ITGB1BP1: variants seen among roughly 807,000 people sequenced by gnomAD.
ITGB1BP1 encodes integrin beta-1-binding protein 1.
In ITGB1BP1, 20 loss-of-function variants were observed where a neutral mutation model predicts 28.0. The ratio of observed to expected loss-of-function variants is 0.71; its 90% CI spans 0.50 to 1.04. The LOEUF is 1.04. Among genes scored for constraint, ITGB1BP1 ranks in the 50% least tolerant of loss-of-function variants. The pLI is 0.00. For missense variants in ITGB1BP1, 228 were observed against 242.5 expected, an observed-to-expected ratio of 0.94 and a Z score of 0.40; for synonymous variants, 103 against 89.5, an observed-to-expected ratio of 1.15 and a Z score of -0.85.
At chr2:9,412,082 G>A (rs1572702292) in intron 4 of ITGB1BP1, 187 bp downstream of exon 4, 2 of 552,370 alleles carry the variant, frequency 3.6e-6, no homozygotes, top group East Asian at 6.4e-5. Context: ...TTTGAAGGGA[G>A]GAACAGCGCC....
intron 4 of ITGB1BP1, among the ~76,000 whole-genome samples, chr2:9,410,786 A>T (rs1043734502): frequency 7.2e-5 from 11 of 152,202 alleles, no homozygotes; most frequent in African/African-American, 2.7e-4. Context: ...TGTGTTGCCC[A>T]GGCTGGCTTT....
At chr2:9,423,012 G>A (rs1680085572) in intron 1 of ITGB1BP1, 21 of 990,242 alleles carry the variant, frequency 2.1e-5, no homozygotes, top group Non-Finnish European at 2.5e-5. Flanking sequence ...GGGTGCGGAG[G>A]ATGTGACAGC....
At chr2:9,412,042 CAAAAAAAA>C (rs56249290) in intron 4 of ITGB1BP1, 3 of 228,212 alleles carry the variant, frequency 1.3e-5, no homozygotes, top group South Asian at 1.0e-4. Context: ...AACTTGGTCT[CAAAAAAAA>C]AAAAAAAAAA....
chr2:9,417,177 A>G (rs1017722372), intron 2 of ITGB1BP1, among the ~76,000 whole-genome samples: 2 of 152,004 alleles, frequency 1.3e-5, no homozygotes, highest in Admixed American at 6.6e-5. Context: ...TTACTCTCAG[A>G]GTAAAAGCCC....
rs536805010 is a variant in ITGB1BP1 at position 9,423,510 on chromosome 2, G to A, written c.-173C>T. The A allele has an allele frequency of 7.5e-6, 9 of 1,192,574 alleles. No homozygotes were observed. In the African/African-American group the frequency reaches 1.3e-4, roughly 17 times the overall value. 73.9% of individuals were successfully genotyped at this position (1,192,574 alleles called of 1,614,324 possible). The stretch of plus-strand genomic sequence containing the variant: ...CAGCCCTCCTGCCCACGTCCGCCGG[G>A]CCGCGCCTCCAAGACTATGCGCAGG... On this transcript the variant is annotated 5_prime_UTR_variant, in exon 1 of 7. Coordinates refer to ENST00000355346, the MANE Select transcript of ITGB1BP1 (RefSeq NM_004763.5).
intron 1 of ITGB1BP1, among the ~76,000 whole-genome samples, chr2:9,419,798 C>CAT (rs1327357681): frequency 6.6e-6 from 1 of 152,148 alleles, no homozygotes; most frequent in Non-Finnish European, 1.5e-5. Flanking sequence ...TTTTTAAGGG[C>CAT]ATACCATATG....
intron 1 of ITGB1BP1, chr2:9,422,672 C>A: frequency 1.0e-6 from 1 of 985,614 alleles, no homozygotes; most frequent in Non-Finnish European, 1.2e-6. Flanking sequence ...TGGCAGGGGA[C>A]GCGCTTACTG....
At chr2:9,409,796 C>T (rs1404187497) in intron 4 of ITGB1BP1, among the ~76,000 whole-genome samples, 1 of 150,172 alleles carries the variant, frequency 6.7e-6, no homozygotes, top group African/African-American at 2.4e-5. Flanking sequence ...ATATTCCCAA[C>T]TAAATGCTGG....
At position 9,403,593 on chromosome 2, in the gene ITGB1BP1, ACATAATCAAGAT is replaced by A; in HGVS notation, c.*3229_*3240del. 1 of 426,960 alleles carries A rather than the reference ACATAATCAAGAT, an allele frequency of 2.3e-6. No individual in the cohort carries two copies. The highest frequency in any genetic ancestry group is 3.8e-5 in the South Asian group (1 of 26,446). The allele number at this position is 426,960 out of a possible 1,614,324, so 26.4% of individuals were successfully genotyped here. ...ACTGAAAAGTTATTTTAACTATTAT[ACATAATCAAGAT>A]CCTGCCTCTACGGAATTAGCTAAAC... is the stretch of plus-strand genomic sequence containing the variant. On this transcript the variant is annotated 3_prime_UTR_variant, in exon 7 of 7. Coordinates refer to ENST00000355346, the MANE Select transcript of ITGB1BP1 (RefSeq NM_004763.5).
chr2:9,409,126 C>T (rs1299165843), intron 4 of ITGB1BP1, among the ~76,000 whole-genome samples: 3 of 152,182 alleles, frequency 2.0e-5, no homozygotes, highest in Non-Finnish European at 4.4e-5. Context: ...CGCAGATAAT[C>T]CCTGACAGCT....
At chr2:9,422,307 C>G (rs529874811) in intron 1 of ITGB1BP1, among the ~76,000 whole-genome samples, 62 of 152,368 alleles carry the variant, frequency 4.1e-4, no homozygotes, top group Middle Eastern at 3.4e-3. Flanking sequence ...GCCAGGTCCT[C>G]CAGGACCCAG....
rs371225003 is a variant in ITGB1BP1 at position 9,407,438 on chromosome 2, C to G, written c.531+11G>C. 2.5e-6 allele frequency: 4 copies of G among 1,614,068 alleles called. No individual in the cohort carries two copies. Among genetic ancestry groups the G allele is most frequent in the East Asian group, 4.5e-5 (2 of 44,882 alleles). On this transcript the variant is annotated intron_variant, in intron 6 of 6. Coordinates refer to ENST00000355346, the MANE Select transcript of ITGB1BP1 (RefSeq NM_004763.5). ...ATGGGCAAGCAGCTAACCAAAGTAA[C>G]GAAGTCTCACCAGGCTGTTGCACTG...
intron 2 of ITGB1BP1, among the ~76,000 whole-genome samples, chr2:9,414,856 A>G (rs1031535450): frequency 1.3e-5 from 2 of 152,226 alleles, no homozygotes; most frequent in Admixed American, 1.3e-4. Context: ...TATCATGTGA[A>G]CTGCCACCAA....
rs530727452 is a variant in ITGB1BP1 at position 9,404,720 on chromosome 2, A to G, written c.*2114T>C. 3.3e-5 allele frequency: 5 copies of G among 149,428 alleles called. No individual in the cohort carries two copies. In the South Asian group the frequency reaches 8.4e-4, roughly 25 times the overall value. 9.3% of individuals were successfully genotyped at this position (149,428 alleles called of 1,614,324 possible). On this transcript the variant is annotated 3_prime_UTR_variant, in exon 7 of 7. Coordinates refer to ENST00000355346, the MANE Select transcript of ITGB1BP1 (RefSeq NM_004763.5). Reference sequence around the variant, plus strand: ...TTGATTGAAGCAGCTTGTCTTTATTATGCAAGACTGTGTAGAGTTTTTTTT... The same window carrying G: ...TTGATTGAAGCAGCTTGTCTTTATTGTGCAAGACTGTGTAGAGTTTTTTTT...
chr2:9,419,636 T>G (rs1324416127), intron 1 of ITGB1BP1, among the ~76,000 whole-genome samples: 3 of 152,220 alleles, frequency 2.0e-5, no homozygotes, highest in Non-Finnish European at 1.5e-5. Flanking sequence ...AAACTAAGAT[T>G]CATCCTTGCC....
chr2:9,415,529 G>A lies in ITGB1BP1; in HGVS notation c.73-1273C>T, dbSNP rs529957457. Reference sequence around the variant, plus strand: ...CCACAGGCAGAGGTTGCAGTAAGCCGAGATCACACCACTGCACTCCAGCCT... The same window carrying A: ...CCACAGGCAGAGGTTGCAGTAAGCCAAGATCACACCACTGCACTCCAGCCT... On this transcript the variant is annotated intron_variant, in intron 2 of 6. Coordinates refer to ENST00000355346, the MANE Select transcript of ITGB1BP1 (RefSeq NM_004763.5). The surrounding 1 kb of genome is among the most constrained non-coding windows in gnomAD (Gnocchi z 4.1). 1.5e-4 allele frequency among the ~76,000 whole-genome samples: 22 copies of A among 150,934 alleles called. No homozygotes were observed. Among genetic ancestry groups the A allele is most frequent in the Non-Finnish European group, 2.1e-4 (14 of 67,608 alleles).
At chr2:9,419,643 T>C (rs1451497876) in intron 1 of ITGB1BP1, among the ~76,000 whole-genome samples, 1 of 152,170 alleles carries the variant, frequency 6.6e-6, no homozygotes, top group Non-Finnish European at 1.5e-5. Flanking sequence ...GATTCATCCT[T>C]GCCAGTTGCA....
intron 1 of ITGB1BP1, chr2:9,422,809 G>A: frequency 2.0e-6 from 2 of 986,162 alleles, no homozygotes; most frequent in Non-Finnish European, 2.4e-6. Context: ...GACCAGCAAG[G>A]CTGCAGGATA....
intron 1 of ITGB1BP1, 147 bp downstream of exon 1, chr2:9,423,211 AGCGCGGCCCCGCCCG>A: frequency 9.3e-7 from 1 of 1,078,442 alleles, no homozygotes; most frequent in South Asian, 2.0e-5. Flanking sequence ...GCGCCCCGGG[AGCGCGGCCCCGCCCG>A]GAACCAAGCC....
Sources: allele counts gnomAD v4.1 joint callset (sites outside exome capture counted in the v4.1 genomes callset), GRCh38; gene constraint gnomAD v4.1.1; non-coding constraint Gnocchi (gnomAD v3.1); transcripts MANE v1.5; gene names NCBI Gene and HGNC (gene_info 2026-07-23, HGNC 2026-07-21).